PDZRN4: variants seen among roughly 807,000 people sequenced by gnomAD.
PDZRN4 encodes PDZ domain containing ring finger 4.
A neutral mutation model predicts 99.0 loss-of-function variants in PDZRN4; 70 were observed. The observed-to-expected ratio is 0.71, with a 90% CI of 0.58 to 0.86. PDZRN4 has a LOEUF of 0.86. PDZRN4 is among the 40% of genes least tolerant of loss of function. The probability of loss-of-function intolerance (pLI) is 0.00; values close to 1 mark genes in which losing one functional copy is unlikely to be tolerated. For synonymous variants in PDZRN4, 551 were observed against 501.6 expected (o/e 1.10, Z -1.32); for missense variants, 1,474 against 1,331.2 (o/e 1.11, Z -1.67).
chr12:41,491,437 G>T lies in PDZRN4; in HGVS notation c.844-15019G>T, dbSNP rs527907220. Among the ~76,000 whole-genome samples the T allele has an allele frequency of 3.3e-5, 5 of 152,204 alleles. No individual in the cohort carries two copies. The South Asian group carries it at 8.3e-4, about 25-fold the overall frequency. On this transcript the variant is annotated intron_variant, in intron 3 of 9. Coordinates refer to ENST00000402685, the MANE Select transcript of PDZRN4 (RefSeq NM_001164595.2). Reference sequence around the variant, plus strand: ...GTTAAGAGGCTGAGGCAGGAGAATCGCTTGAACCTGTGAGGTGGAGGTTGC... The same window carrying T: ...GTTAAGAGGCTGAGGCAGGAGAATCTCTTGAACCTGTGAGGTGGAGGTTGC...
At chr12:41,242,936 A>G (rs1288198472) in intron 3 of PDZRN4, among the ~76,000 whole-genome samples, 1 of 152,182 alleles carries the variant, frequency 6.6e-6, no homozygotes, top group Non-Finnish European at 1.5e-5. Flanking sequence ...CTTTTTCTTA[A>G]TAAACTTCTG....
At chr12:41,376,187 T>G (rs1476865437) in intron 3 of PDZRN4, among the ~76,000 whole-genome samples, 1 of 152,176 alleles carries the variant, frequency 6.6e-6, no homozygotes, top group Non-Finnish European at 1.5e-5. Flanking sequence ...GAACTGAACA[T>G]GGGAGTGCTG....
chr12:41,553,272 G>A (rs900730653), intron 6 of PDZRN4, among the ~76,000 whole-genome samples: 3 of 152,194 alleles, frequency 2.0e-5, no homozygotes, highest in Admixed American at 1.3e-4. Context: ...TTAGGCAAAG[G>A]CCAAGAAGCA....
At chr12:41,248,778 CTTA>C (rs1660356177) in intron 3 of PDZRN4, among the ~76,000 whole-genome samples, 1 of 152,008 alleles carries the variant, frequency 6.6e-6, no homozygotes, top group African/African-American at 2.4e-5. Flanking sequence ...TAAAAGATAT[CTTA>C]TTATAAATAA....
At chr12:41,205,578 T>C (rs953780596) in intron 3 of PDZRN4, among the ~76,000 whole-genome samples, 3 of 151,860 alleles carry the variant, frequency 2.0e-5, no homozygotes, top group Non-Finnish European at 4.4e-5. Context: ...TTTCCCCTCC[T>C]TTAACCTCAC....
chr12:41,197,797 T>C lies in PDZRN4; in HGVS notation c.843+3609T>C, dbSNP rs1950783330. ...ATGACCATTGCTGTAGTTATCATCA[T>C]GTTAGGATGCCTAAGTGGTATGTGG... On this transcript the variant is annotated intron_variant, in intron 3 of 9. Coordinates refer to ENST00000402685, the MANE Select transcript of PDZRN4 (RefSeq NM_001164595.2). 2.0e-5 allele frequency among the ~76,000 whole-genome samples: 3 copies of C among 152,190 alleles called. No homozygotes were observed. The South Asian group carries it at 6.2e-4, about 32-fold the overall frequency.
At chr12:41,468,167 A>G (rs1952947827) in intron 3 of PDZRN4, among the ~76,000 whole-genome samples, 1 of 152,236 alleles carries the variant, frequency 6.6e-6, no homozygotes, top group Non-Finnish European at 1.5e-5. Flanking sequence ...CGCATAGGGA[A>G]GAAAGGGATA....
chr12:41,220,891 T>C (rs1950951062), intron 3 of PDZRN4, among the ~76,000 whole-genome samples: 1 of 152,184 alleles, frequency 6.6e-6, no homozygotes, highest in African/African-American at 2.4e-5. Flanking sequence ...AAAGCATCTA[T>C]TTTAGGCTCC....
At chr12:41,547,486 G>C (rs10459286) in intron 5 of PDZRN4, among the ~76,000 whole-genome samples, 59,244 of 151,702 alleles carry the variant, frequency 0.39, 11,828 homozygotes, top group African/African-American at 0.46. Flanking sequence ...ATTAGCCAGG[G>C]GTGGTGGCAG....
At chr12:41,329,458 T>C (rs1319283651) in intron 3 of PDZRN4, among the ~76,000 whole-genome samples, 1 of 152,104 alleles carries the variant, frequency 6.6e-6, no homozygotes, top group Non-Finnish European at 1.5e-5. Context: ...ATAAATCCCA[T>C]GGTAGCTTGT....
At chr12:41,436,794 A>C (rs1265244092) in intron 3 of PDZRN4, among the ~76,000 whole-genome samples, 1 of 152,236 alleles carries the variant, frequency 6.6e-6, no homozygotes, top group East Asian at 1.9e-4. Flanking sequence ...CTTAGTTTTT[A>C]AGTCTCTGTT....
intron 3 of PDZRN4, among the ~76,000 whole-genome samples, chr12:41,233,852 A>G (rs550476105): frequency 1.3e-5 from 2 of 152,160 alleles, no homozygotes; most frequent in Admixed American, 6.6e-5. Flanking sequence ...TGATGAATTA[A>G]TGGGTGCAGC....
chr12:41,372,350 T>C (rs1952048092), intron 3 of PDZRN4, among the ~76,000 whole-genome samples: 1 of 152,144 alleles, frequency 6.6e-6, no homozygotes, highest in African/African-American at 2.4e-5. Context: ...AACATGAAAA[T>C]GATAGTCTGG....
chr12:41,314,587 G>C (rs1951626968), intron 3 of PDZRN4, among the ~76,000 whole-genome samples: 1 of 152,122 alleles, frequency 6.6e-6, no homozygotes, highest in African/African-American at 2.4e-5. Context: ...ATTCCAAAAG[G>C]AAGAAGGAAG....
intron 3 of PDZRN4, among the ~76,000 whole-genome samples, chr12:41,461,263 T>C (rs1952871287): frequency 1.3e-5 from 2 of 152,196 alleles, no homozygotes; most frequent in South Asian, 2.1e-4. Flanking sequence ...GTTTGTTACA[T>C]AGGTAAACGT....
chr12:41,375,460 C>T (rs1024647711), intron 3 of PDZRN4, among the ~76,000 whole-genome samples: 2 of 152,054 alleles, frequency 1.3e-5, no homozygotes, highest in African/African-American at 4.8e-5. Context: ...ATATCCAAAG[C>T]ACTATTCTCA....
intron 3 of PDZRN4, among the ~76,000 whole-genome samples, chr12:41,220,466 C>A (rs1041007794): frequency 5.9e-5 from 9 of 152,250 alleles, no homozygotes; most frequent in South Asian, 4.1e-4. Flanking sequence ...TTTCAACATA[C>A]AAATTTGGCC....
intron 3 of PDZRN4, among the ~76,000 whole-genome samples, chr12:41,298,397 T>C (rs1389071347): frequency 1.3e-5 from 2 of 152,198 alleles, no homozygotes; most frequent in Non-Finnish European, 2.9e-5. Context: ...TTAATAAATC[T>C]GAAGACTTAA....
At chr12:41,329,314 G>A (rs1208072814) in intron 3 of PDZRN4, among the ~76,000 whole-genome samples, 2 of 152,012 alleles carry the variant, frequency 1.3e-5, no homozygotes, top group African/African-American at 2.4e-5. Flanking sequence ...GTTCTTCCAT[G>A]GCTAAAACTA....
Sources: gnomAD v4.1 joint callset for allele counts (sites outside exome capture counted in the v4.1 genomes callset) on GRCh38, gnomAD v4.1.1 for gene constraint, MANE v1.5 for transcripts, NCBI Gene and HGNC (gene_info 2026-07-23, HGNC 2026-07-21) for gene names.